The following DOCK1 variants were observed in gnomAD, a reference collection of about 807,000 sequenced individuals.
DOCK1 encodes dedicator of cytokinesis protein 1.
DOCK1 carries 138 observed loss-of-function variants against 262.7 expected under a neutral mutation model. The ratio of observed to expected loss-of-function variants is 0.53; its 90% CI spans 0.46 to 0.61. The LOEUF is 0.61. DOCK1 is among the 20% of genes least tolerant of loss of function. The probability of loss-of-function intolerance (pLI) is 0.00; values close to 1 mark genes in which losing one functional copy is unlikely to be tolerated. For synonymous variants in DOCK1, 866 were observed against 867.4 expected (o/e 1.00, Z 0.03); for missense variants, 1,908 against 2,370.7 (o/e 0.80, Z 4.05).
At chr10:127,097,631 C>T (rs1030574519) in intron 23 of DOCK1, among the ~76,000 whole-genome samples, 1 of 152,098 alleles carries the variant, frequency 6.6e-6, no homozygotes, top group Non-Finnish European at 1.5e-5. Flanking sequence ...ATCAGACCGT[C>T]CCCCCACTGG....
chr10:127,441,670 T>TC (rs2070150213), intron 49 of DOCK1, among the ~76,000 whole-genome samples: 2 of 151,908 alleles, frequency 1.3e-5, no homozygotes, highest in East Asian at 3.9e-4. Flanking sequence ...AGCAACCCAT[T>TC]CCCTGGGGAC....
chr10:127,174,845 T>A (rs754214157), intron 27 of DOCK1, among the ~76,000 whole-genome samples: 13 of 152,240 alleles, frequency 8.5e-5, no homozygotes, highest in Non-Finnish European at 1.9e-4. Context: ...CTTCTCTTCC[T>A]GATTCTCTTC....
chr10:127,076,068 G>A (rs7921453), intron 23 of DOCK1, among the ~76,000 whole-genome samples: 1,965 of 152,274 alleles, frequency 0.013, 37 homozygotes, highest in African/African-American at 0.045. Context: ...CTTGCTATGT[G>A]CACAGGTAAT....
intron 23 of DOCK1, among the ~76,000 whole-genome samples, chr10:127,094,133 G>A (rs1042442645): frequency 1.3e-5 from 2 of 152,194 alleles, no homozygotes; most frequent in Admixed American, 6.5e-5. Context: ...GGTAGAGGCT[G>A]CAGTGAGTTG....
At chr10:127,372,741 C>T (rs749510911) in intron 33 of DOCK1, among the ~76,000 whole-genome samples, 17 of 152,198 alleles carry the variant, frequency 1.1e-4, no homozygotes, top group Non-Finnish European at 2.2e-4. Flanking sequence ...TAGAGAGATC[C>T]TGGAGACCCT....
intron 38 of DOCK1, among the ~76,000 whole-genome samples, chr10:127,391,027 T>A (rs1232756532): frequency 6.6e-6 from 1 of 152,220 alleles, no homozygotes; most frequent in Admixed American, 6.5e-5. Context: ...AGCTGCCCAC[T>A]GTCCTGTGGG....
intron 29 of DOCK1, among the ~76,000 whole-genome samples, chr10:127,324,014 T>C (rs1479405613): frequency 1.3e-5 from 2 of 152,156 alleles, no homozygotes; most frequent in African/African-American, 4.8e-5. Flanking sequence ...GGTTCTTGGT[T>C]CTTGAGGAGG....
intron 1 of DOCK1, among the ~76,000 whole-genome samples, chr10:126,911,148 T>C (rs1435030450): frequency 4.6e-5 from 7 of 152,208 alleles, no homozygotes; most frequent in Admixed American, 3.9e-4. Flanking sequence ...CTGTGCCAGT[T>C]CACATTCTCA....
intron 37 of DOCK1, among the ~76,000 whole-genome samples, chr10:127,382,769 C>T (rs577157794): frequency 2.0e-5 from 3 of 152,150 alleles, no homozygotes; most frequent in African/African-American, 4.8e-5. Flanking sequence ...CCTCATAGAA[C>T]GTAAACTTTT....
intron 4 of DOCK1, among the ~76,000 whole-genome samples, chr10:126,983,769 A>G (rs2039153081): frequency 6.6e-6 from 1 of 152,138 alleles, no homozygotes. Context: ...CGCTGACTTC[A>G]TTCATTCTCA....
chr10:127,026,059 C>CAAAAAAAAAA (rs71490104), intron 15 of DOCK1: 22,808 of 227,762 alleles, frequency 0.1, 1,200 homozygotes, highest in South Asian at 0.12. Flanking sequence ...AACTCTGTAT[C>CAAAAAAAAAA]AAAAAAAAAA....
At chr10:127,424,181 A>G (rs888122204) in intron 46 of DOCK1, among the ~76,000 whole-genome samples, 3 of 152,216 alleles carry the variant, frequency 2.0e-5, no homozygotes, top group Non-Finnish European at 4.4e-5. Flanking sequence ...TAGACATATA[A>G]CAGGGAACCA....
At chr10:127,309,774 A>G (rs1320261021) in intron 29 of DOCK1, among the ~76,000 whole-genome samples, 1 of 152,080 alleles carries the variant, frequency 6.6e-6, no homozygotes, top group African/African-American at 2.4e-5. Context: ...CCTGTGGAGG[A>G]CTTCCTTAAT....
At chr10:127,326,116 G>A (rs6482796) in intron 29 of DOCK1, among the ~76,000 whole-genome samples, 68,381 of 152,072 alleles carry the variant, frequency 0.45, 16,340 homozygotes, top group African/African-American at 0.62. Flanking sequence ...AGAGTCTTGC[G>A]TCAATGTTGA....
intron 30 of DOCK1, among the ~76,000 whole-genome samples, chr10:127,339,394 G>A (rs2063327917): frequency 6.6e-6 from 1 of 152,174 alleles, no homozygotes; most frequent in Non-Finnish European, 1.5e-5. Flanking sequence ...TGCCAAGATT[G>A]TCTCAGCCCA....
intron 29 of DOCK1, among the ~76,000 whole-genome samples, chr10:127,315,890 G>C (rs1229499551): frequency 6.6e-6 from 1 of 152,016 alleles, no homozygotes; most frequent in African/African-American, 2.4e-5. Context: ...GTAGAGACGG[G>C]GTTTCACCAT....
chr10:126,941,710 G>C lies in DOCK1; in HGVS notation c.47-28992G>C, dbSNP rs986499770. 6.6e-5 allele frequency among the ~76,000 whole-genome samples: 10 copies of C among 152,080 alleles called. No individual in the cohort carries two copies. The East Asian group carries it at 9.8e-4, about 15-fold the overall frequency. On this transcript the variant is annotated intron_variant, in intron 1 of 51. Transcript: ENST00000623213. ...GCGGAGCTTGCAGTGAGCCGAGATC[G>C]TGCCACTGCACTCCAGCCTGGGCGA...
chr10:127,037,758 G>C lies in DOCK1; in HGVS notation c.1952G>C (p.Ser651Thr), dbSNP rs959880312. The C allele has an allele frequency of 1.3e-6, 2 of 1,597,796 alleles. No homozygotes were observed. The highest frequency in any genetic ancestry group is 2.3e-5 in the East Asian group (1 of 44,378). ...CTCTTGAAATGGCGCTCCAACACCA[G>C]CCTGCTGCAGCAGAACTTGAGGCAG... The part of the protein sequence containing the change: ...LGLLKWRSNT[S>T]LLQQNLRQLM... The change falls in exon 19 of 52, where the codon AGC becomes ACC. Residue 651 changes from serine to threonine, a missense_variant. By Grantham distance (58) the Ser-to-Thr change is moderately conservative (BLOSUM62 1). Around this residue, in one of 9 missense-constraint regions of DOCK1, gnomAD observed 294 missense variants for 439.9 expected, o/e 0.67. Coordinates refer to ENST00000623213, the MANE Select transcript of DOCK1 (RefSeq NM_001290223.2).
intron 10 of DOCK1, among the ~76,000 whole-genome samples, chr10:127,005,956 C>A (rs2135232868): frequency 6.6e-6 from 1 of 152,298 alleles, no homozygotes; most frequent in South Asian, 2.1e-4. Flanking sequence ...ATGAACATGT[C>A]CTTTTATTAA....
Sources: allele counts gnomAD v4.1 joint callset (sites outside exome capture counted in the v4.1 genomes callset), GRCh38; gene constraint gnomAD v4.1.1; regional missense constraint gnomAD v4.1.1; transcripts MANE v1.5; gene names NCBI Gene and HGNC (gene_info 2026-07-23, HGNC 2026-07-21).